Variants in GABRB3 observed in about 807,000 individuals in gnomAD.
GABRB3 encodes the protein gamma-aminobutyric acid type A receptor subunit beta3.
Under a neutral mutation model 52.1 loss-of-function variants are expected in GABRB3, and 14 were observed. The observed-to-expected ratio is 0.27, with a 90% CI of 0.18 to 0.42. GABRB3 has a LOEUF of 0.42. GABRB3 is among the 10% of genes least tolerant of loss of function. The pLI is 1.00. For synonymous variants in GABRB3, 260 were observed against 232.3 expected (o/e 1.12, Z -1.08); for missense variants, 307 against 609.1 (o/e 0.50, Z 5.22).
chr15:26,667,610 C>T (rs1350017201), intron 3 of GABRB3, among the ~76,000 whole-genome samples: 1 of 152,144 alleles, frequency 6.6e-6, no homozygotes, highest in East Asian at 1.9e-4. Flanking sequence ...TAAAAGGTGA[C>T]CTCCACTAAT....
chr15:26,553,779 A>G (rs1320709976), intron 8 of GABRB3, among the ~76,000 whole-genome samples: 1 of 151,968 alleles, frequency 6.6e-6, no homozygotes, highest in Non-Finnish European at 1.5e-5. Flanking sequence ...AGTGAACACA[A>G]GAAGGTCCTC....
chr15:26,759,578 A>G (rs1447804251), intron 3 of GABRB3, among the ~76,000 whole-genome samples: 1 of 152,216 alleles, frequency 6.6e-6, no homozygotes, highest in Non-Finnish European at 1.5e-5. Context: ...TTTTTTGTAG[A>G]GATGCCATAA....
chr15:26,742,499 C>T (rs1211241597), intron 3 of GABRB3, among the ~76,000 whole-genome samples: 1 of 152,118 alleles, frequency 6.6e-6, no homozygotes, highest in African/African-American at 2.4e-5. Context: ...TTTGCTCCAT[C>T]AGATATTTCA....
intron 6 of GABRB3, among the ~76,000 whole-genome samples, chr15:26,571,441 C>A (rs4906680): frequency 0.38 from 58,349 of 152,052 alleles, 12,234 homozygotes; most frequent in Non-Finnish European, 0.48. Flanking sequence ...GTCAGGAGAA[C>A]GGGAATGTTT....
At chr15:26,703,388 T>C (rs756590449) in intron 3 of GABRB3, among the ~76,000 whole-genome samples, 12 of 152,144 alleles carry the variant, frequency 7.9e-5, no homozygotes, top group Non-Finnish European at 1.5e-4. Context: ...GGCCCAGTTA[T>C]CCTTTAAATG....
At chr15:26,732,343 C>G (rs986050783) in intron 3 of GABRB3, among the ~76,000 whole-genome samples, 1 of 145,652 alleles carries the variant, frequency 6.9e-6, no homozygotes, top group African/African-American at 2.7e-5. Flanking sequence ...GATGGACGGA[C>G]AGATGAGTAG....
intron 3 of GABRB3, among the ~76,000 whole-genome samples, chr15:26,625,853 G>C (rs754872467): frequency 1.3e-5 from 2 of 152,126 alleles, no homozygotes; most frequent in Non-Finnish European, 2.9e-5. Flanking sequence ...ATCGTTTACA[G>C]AAGCAGCCCG....
intron 3 of GABRB3, among the ~76,000 whole-genome samples, chr15:26,693,754 T>C (rs12591702): frequency 0.067 from 10,261 of 152,072 alleles, 679 homozygotes; most frequent in East Asian, 0.41. Flanking sequence ...ACTGCCGCTG[T>C]AGCCAGCAAC....
chr15:26,547,891 G>T lies in GABRB3; in HGVS notation c.1324C>A (p.Leu442Ile), dbSNP rs1356299292. 6.2e-7 allele frequency: 1 copy of T among 1,614,180 alleles called. No individual in the cohort carries two copies. The highest frequency in any genetic ancestry group is 8.5e-7 in the Non-Finnish European group (1 of 1,180,026). Residue 442 changes from leucine to isoleucine, a missense_variant, in exon 9 of 9, where the codon CTA becomes ATA. Physicochemically the swap from Leu to Ile is conservative, Grantham distance 5. Coordinates refer to ENST00000311550, the MANE Select transcript of GABRB3 (RefSeq NM_000814.6). Reference protein sequence around the residue: ...SSQLKIKIPDLTDVNAIDRWS... With the variant: ...SSQLKIKIPDITDVNAIDRWS... ...CTGTCTATGGCATTCACATCGGTTA[G>T]ATCAGGTATTTTAATTTTGAGCTGT...
At chr15:26,591,080 C>G (rs1891185403) in intron 4 of GABRB3, among the ~76,000 whole-genome samples, 1 of 152,156 alleles carries the variant, frequency 6.6e-6, no homozygotes, top group Non-Finnish European at 1.5e-5. Flanking sequence ...AGAGACTACC[C>G]TGGGTAAGCT....
chr15:26,769,857 T>A (rs938177340), intron 3 of GABRB3, among the ~76,000 whole-genome samples: 4 of 152,204 alleles, frequency 2.6e-5, no homozygotes, highest in African/African-American at 9.6e-5. Flanking sequence ...TTGTCATATC[T>A]GCTCTAAGAG....
rs79527103 is a variant in GABRB3, at chr15:26,698,703, C to T, written c.240+73699G>A. Among the ~76,000 whole-genome samples, 1,219 of 152,296 alleles carry T rather than the reference C, an allele frequency of 8.0e-3. 41 individuals carry two copies. Among genetic ancestry groups the T allele is most frequent in the Admixed American group, 0.055 (834 of 15,296 alleles). Reference sequence around the variant, plus strand: ...GATATTTATGGGGCTAATCCTCCCTCTTTTGGGCTCATTATTGCCTTTCCC... The same window carrying T: ...GATATTTATGGGGCTAATCCTCCCTTTTTTGGGCTCATTATTGCCTTTCCC... On this transcript the variant is annotated intron_variant, in intron 3 of 8. Transcript: ENST00000311550.
chr15:26,685,131 C>T (rs1888362127), intron 3 of GABRB3, among the ~76,000 whole-genome samples: 1 of 152,188 alleles, frequency 6.6e-6, no homozygotes, highest in Non-Finnish European at 1.5e-5. Flanking sequence ...GATGAAGCTC[C>T]AGGTGGTGAC....
intron 3 of GABRB3, among the ~76,000 whole-genome samples, chr15:26,664,893 T>C (rs1424184133): frequency 6.6e-6 from 1 of 151,722 alleles, no homozygotes; most frequent in Admixed American, 6.6e-5. Flanking sequence ...ACAGACAGGG[T>C]TTCTCCGTGT....
chr15:26,673,919 T>G (rs1241728830), intron 3 of GABRB3, among the ~76,000 whole-genome samples: 1 of 152,234 alleles, frequency 6.6e-6, no homozygotes, highest in Non-Finnish European at 1.5e-5. Context: ...CTTAGCAGTA[T>G]TGTTATGTAA....
At chr15:26,612,337 T>C (rs1892101660) in intron 4 of GABRB3, 1 of 152,074 alleles carries the variant, frequency 6.6e-6, no homozygotes, top group Non-Finnish European at 1.5e-5. Context: ...ACTAAAATAA[T>C]CAGGATTAAC....
intron 3 of GABRB3, among the ~76,000 whole-genome samples, chr15:26,637,473 T>A (rs1236310943): frequency 1.3e-5 from 2 of 152,204 alleles, no homozygotes; most frequent in African/African-American, 2.4e-5. Context: ...TTCTCTTTGG[T>A]TCGTAGATGT....
chr15:26,689,663 G>T (rs1888521704), intron 3 of GABRB3, among the ~76,000 whole-genome samples: 1 of 152,008 alleles, frequency 6.6e-6, no homozygotes, highest in South Asian at 2.1e-4. Context: ...ACCCCTCACT[G>T]TGCATCCATG....
At chr15:26,712,026 G>T (rs545197352) in intron 3 of GABRB3, among the ~76,000 whole-genome samples, 1 of 152,170 alleles carries the variant, frequency 6.6e-6, no homozygotes, top group Admixed American at 6.5e-5. Context: ...AGATGCAAGG[G>T]CAAGGACCCT....
Sources: gnomAD v4.1 joint callset for allele counts (sites outside exome capture counted in the v4.1 genomes callset) on GRCh38, gnomAD v4.1.1 for gene constraint, MANE v1.5 for transcripts, NCBI Gene and HGNC (gene_info 2026-07-23, HGNC 2026-07-21) for gene names.